ZC3H3: variants seen among roughly 807,000 people sequenced by gnomAD.
ZC3H3 encodes zinc finger CCCH domain-containing protein 3.
A neutral mutation model predicts 77.3 loss-of-function variants in ZC3H3; 36 were observed. The observed-to-expected ratio is 0.47, with a 90% confidence interval of 0.36 to 0.61. ZC3H3 has a LOEUF of 0.61. Ranked by LOEUF, ZC3H3 falls within the 20% of genes least tolerant of loss-of-function variation. The pLI, the probability that ZC3H3 is intolerant of heterozygous loss-of-function variation, is 0.00. For synonymous variants in ZC3H3, 626 were observed against 555.2 expected (o/e 1.13, Z -1.79); for missense variants, 1,331 against 1,312.2 (o/e 1.01, Z -0.22).
intron 4 of ZC3H3, among the ~76,000 whole-genome samples, chr8:143,476,217 C>G (rs1434710523): frequency 6.6e-6 from 1 of 152,222 alleles, no homozygotes; most frequent in African/African-American, 2.4e-5. Flanking sequence ...TGTCCTGCCT[C>G]CCCTTCATCC....
At chr8:143,478,110 A>G (rs2129917403) in intron 4 of ZC3H3, among the ~76,000 whole-genome samples, 1 of 152,296 alleles carries the variant, frequency 6.6e-6, no homozygotes, top group South Asian at 2.1e-4. Context: ...AGCAGGCAAC[A>G]GAGCCAACCC....
chr8:143,477,844 G>A (rs550572661), intron 4 of ZC3H3, among the ~76,000 whole-genome samples: 7 of 152,260 alleles, frequency 4.6e-5, no homozygotes, highest in East Asian at 1.9e-4. Context: ...CCCCCCCACC[G>A]CAGCACCAGC....
chr8:143,513,394 C>G (rs1050221162), intron 3 of ZC3H3, among the ~76,000 whole-genome samples: 1 of 152,164 alleles, frequency 6.6e-6, no homozygotes, highest in Non-Finnish European at 1.5e-5. Context: ...GTCCCCATCT[C>G]CTCTCCTGCA....
chr8:143,479,149 T>C (rs1252805077), intron 4 of ZC3H3, among the ~76,000 whole-genome samples: 1 of 152,202 alleles, frequency 6.6e-6, no homozygotes, highest in Admixed American at 6.5e-5. Context: ...GTCGGGCCTG[T>C]GCAGGTTGGC....
rs139762891 is a variant in ZC3H3, at chr8:143,539,200, C to T, written c.167G>A (p.Arg56His). ...SGRAFSARYP[R>H]PSRRGYSSHH... ...GGAAGAGTAGCCCCTCCGGCTTGGA[C>T]GAGGGTAGCGGGCACTAAAGGCTCT... Residue 56 changes from arginine to histidine, a missense_variant, in exon 2 of 12, where the codon CGT (arginine) becomes CAT (histidine). Transcript: ENST00000262577. 2.1e-5 allele frequency: 34 copies of T among 1,612,798 alleles called. No homozygotes were observed. Among genetic ancestry groups the T allele is most frequent in the African/African-American group, 9.3e-5 (7 of 74,908 alleles).
intron 9 of ZC3H3, among the ~76,000 whole-genome samples, chr8:143,454,393 C>T (rs1820061501): frequency 6.6e-6 from 1 of 150,560 alleles, no homozygotes; most frequent in Non-Finnish European, 1.5e-5. Context: ...GCCTGGCCAA[C>T]AATTCATAAT....
At chr8:143,487,550 G>A (rs1180152868) in intron 4 of ZC3H3, among the ~76,000 whole-genome samples, 2 of 7,800 alleles carry the variant, frequency 2.6e-4, no homozygotes, top group Admixed American at 1.3e-3. Context: ...CCATCACCAC[G>A]AAGCTCACAC....
chr8:143,492,641 C>T (rs958140495), intron 4 of ZC3H3, among the ~76,000 whole-genome samples: 2 of 152,234 alleles, frequency 1.3e-5, no homozygotes, highest in East Asian at 1.9e-4. Context: ...CCTGACCACA[C>T]GCACATCCTG....
intron 9 of ZC3H3, among the ~76,000 whole-genome samples, chr8:143,445,289 G>A (rs1014002300): frequency 9.2e-5 from 14 of 151,838 alleles, no homozygotes; most frequent in Non-Finnish European, 2.9e-5. Context: ...ATTGAGGCAG[G>A]AGAATTGCTT....
At chr8:143,511,355 T>C (rs1208228559) in intron 3 of ZC3H3, among the ~76,000 whole-genome samples, 2 of 152,186 alleles carry the variant, frequency 1.3e-5, no homozygotes, top group Non-Finnish European at 2.9e-5. Context: ...CCTTGCTCTG[T>C]TTTATGTGGA....
At chr8:143,452,710 A>G (rs11785686) in intron 9 of ZC3H3, among the ~76,000 whole-genome samples, 95,529 of 152,050 alleles carry the variant, frequency 0.63, 30,242 homozygotes, top group Middle Eastern at 0.66. Context: ...AGTGTGTGGC[A>G]CAACAGCTGA....
rs147038272 is a variant in ZC3H3 at position 143,481,656 on chromosome 8, G to A, written c.1716-6071C>T. ...AGGGAAACTGAAGGCAGACAGGGAC[G>A]ATGGGGACCTTCCAGGACCCTCGTG... On this transcript the variant is annotated intron_variant, in intron 4 of 11. Transcript: ENST00000262577. 3.6e-3 allele frequency among the ~76,000 whole-genome samples: 543 copies of A among 152,344 alleles called. 1 individual carries two copies. The highest frequency in any genetic ancestry group is 0.014 in the Middle Eastern group (4 of 294).
intron 3 of ZC3H3, among the ~76,000 whole-genome samples, chr8:143,511,473 T>C (rs1039395539): frequency 6.6e-6 from 1 of 152,242 alleles, no homozygotes; most frequent in Admixed American, 6.5e-5. Flanking sequence ...AAGATGAAAC[T>C]AGAATTACTA....
intron 4 of ZC3H3, among the ~76,000 whole-genome samples, chr8:143,506,921 G>A (rs1009959282): frequency 6.6e-6 from 1 of 152,232 alleles, no homozygotes; most frequent in Admixed American, 6.5e-5. Flanking sequence ...GTGGCTGCTC[G>A]CCCTGAGGCC....
chr8:143,467,618 G>C (rs1586892667), intron 8 of ZC3H3, among the ~76,000 whole-genome samples: 1 of 152,162 alleles, frequency 6.6e-6, no homozygotes, highest in East Asian at 1.9e-4. Context: ...TGAGTCCGGG[G>C]CACAGGAGCT....
chr8:143,464,808 TCC>T (rs1256348755), intron 9 of ZC3H3, among the ~76,000 whole-genome samples: 1 of 151,906 alleles, frequency 6.6e-6, no homozygotes, highest in East Asian at 1.9e-4. Context: ...CATCTCCAGG[TCC>T]CCCAGCTCTG....
chr8:143,489,353 G>A (rs1821134395), intron 4 of ZC3H3, among the ~76,000 whole-genome samples: 2 of 152,074 alleles, frequency 1.3e-5, no homozygotes, highest in Non-Finnish European at 1.5e-5. Context: ...GTAGGGTGGG[G>A]TGGGGGAGTC....
chr8:143,437,866 AG>A lies in ZC3H3; in HGVS notation c.*189del. The A allele has an allele frequency of 1.3e-6, 1 of 740,964 alleles. No homozygotes were observed. Among genetic ancestry groups the A allele is most frequent in the South Asian group, 1.7e-5 (1 of 57,690 alleles). The allele number at this position is 740,964 out of a possible 1,614,324, so 45.9% of individuals were successfully genotyped here. On this transcript the variant is annotated 3_prime_UTR_variant, in exon 12 of 12. Coordinates refer to ENST00000262577, the MANE Select transcript of ZC3H3 (RefSeq NM_015117.3). The stretch of plus-strand genomic sequence containing the variant: ...TGGGGACAGGGGCCTGGCTTGGGGG[AG>A]GAAGACCAGGCCCTGCGCACACGCT...
intron 11 of ZC3H3, among the ~76,000 whole-genome samples, chr8:143,438,536 G>A (rs541542901): frequency 1.9e-4 from 29 of 152,326 alleles, no homozygotes; most frequent in Admixed American, 5.9e-4. Flanking sequence ...GTGCACACAA[G>A]CTGTGGCGGG....
Sources: allele counts gnomAD v4.1 joint callset (sites outside exome capture counted in the v4.1 genomes callset), GRCh38; gene constraint gnomAD v4.1.1; transcripts MANE v1.5; gene names NCBI Gene and HGNC (gene_info 2026-07-23, HGNC 2026-07-21).